Variants in DNAH8 observed in about 807,000 individuals in gnomAD.
The protein encoded by DNAH8 is dynein axonemal heavy chain 8, also known as axonemal beta dynein heavy chain 8.
DNAH8 carries 382 observed loss-of-function variants against 562.1 expected under a neutral mutation model. The observed-to-expected ratio is 0.68, with a 90% CI of 0.63 to 0.74. DNAH8 has a LOEUF of 0.74. DNAH8 is among the 30% of genes least tolerant of loss of function. The pLI is 0.00. For missense variants in DNAH8, 5,203 were observed against 5,620.4 expected (o/e 0.93, Z 2.37); for synonymous variants, 1,881 against 1,919.4 (o/e 0.98, Z 0.52).
intron 26 of DNAH8, among the ~76,000 whole-genome samples, chr6:38,821,160 G>C (rs1307297830): frequency 1.3e-5 from 2 of 152,066 alleles, no homozygotes. Flanking sequence ...AAGACTGCAG[G>C]ATACAGGATT....
In DNAH8 at chr6:38,860,494, G is replaced by T. The variant is rs995046757; in HGVS notation, c.5996G>T (p.Trp1999Leu). The T allele has an allele frequency of 2.0e-6, 3 of 1,488,004 alleles. No homozygotes were observed. The highest frequency in any genetic ancestry group is 2.7e-6 in the Non-Finnish European group (3 of 1,120,706). The allele number at this position is 1,488,004 out of a possible 1,614,324, so 92.2% of individuals were successfully genotyped here. A position where few individuals can be genotyped will look rare whatever the true frequency, so the allele number is the denominator to read the frequency against. The change falls in exon 43 of 93, where the codon TGG becomes TTG. Residue 1999 changes from tryptophan to leucine, a missense_variant. Around this residue, in one of 6 missense-constraint regions of DNAH8, gnomAD observed 2,176 missense variants for 2,365.1 expected, o/e 0.92. Transcript: ENST00000327475. ...ATCAAATCACCTACTGACTTTGAAT[G>T]GCTAAAACAGAGTAGATTTTATTTT... ...MHIKSPTDFEWLKQSRFYFKE... is the reference protein window; with the variant it reads ...MHIKSPTDFELLKQSRFYFKE...
intron 86 of DNAH8, 104 bp downstream of exon 86, chr6:38,982,566 T>C (rs1310143362): frequency 1.5e-6 from 1 of 684,230 alleles, no homozygotes; most frequent in Admixed American, 2.2e-5. Flanking sequence ...CTGAGCCCCA[T>C]GGAGCCCCCT....
At chr6:38,942,712 G>T (rs9357291) in intron 79 of DNAH8, among the ~76,000 whole-genome samples, 1 of 152,054 alleles carries the variant, frequency 6.6e-6, no homozygotes, top group Non-Finnish European at 1.5e-5. Flanking sequence ...GATAGCATTT[G>T]TCGTAGCTCA....
chr6:38,856,247 C>T (rs574377776), intron 41 of DNAH8, among the ~76,000 whole-genome samples: 2 of 152,228 alleles, frequency 1.3e-5, no homozygotes, highest in South Asian at 2.1e-4. Flanking sequence ...TTATAGGCAT[C>T]GAGTAATATT....
At chr6:38,991,136 T>G (rs1445369494) in intron 88 of DNAH8, among the ~76,000 whole-genome samples, 1 of 152,210 alleles carries the variant, frequency 6.6e-6, no homozygotes, top group Non-Finnish European at 1.5e-5. Flanking sequence ...CCAATTTCCT[T>G]GTCTTCCCGC....
intron 26 of DNAH8, among the ~76,000 whole-genome samples, chr6:38,821,113 C>CA (rs957208736): frequency 1.3e-5 from 2 of 152,016 alleles, no homozygotes; most frequent in Non-Finnish European, 2.9e-5. Context: ...CTCACACACA[C>CA]AAAAAAACCC....
chr6:39,027,750 C>T (rs914013816), intron 92 of DNAH8, among the ~76,000 whole-genome samples: 2 of 152,100 alleles, frequency 1.3e-5, no homozygotes, highest in African/African-American at 4.8e-5. Context: ...TGCTTGAATA[C>T]AGGAGGCGGA....
rs1184461189 is a variant in DNAH8 at position 38,769,225 on chromosome 6, A to AT, written c.1618-1181dup. On this transcript the variant is annotated intron_variant, in intron 11 of 92. Coordinates refer to ENST00000327475, the MANE Select transcript of DNAH8 (RefSeq NM_001206927.2). ...ATTCAGAGCCAACTCATTTAAAAAA[A>AT]TTTTTTTATTATACTTTAAGTTCTG... Among the ~76,000 whole-genome samples, 22 of 152,256 alleles carry AT rather than the reference A, an allele frequency of 1.4e-4. 1 individual carries two copies. Among genetic ancestry groups the AT allele is most frequent in the Admixed American group, 1.4e-3 (22 of 15,302 alleles).
chr6:39,009,421 T>C, intron 89 of DNAH8, among the ~76,000 whole-genome samples: 1 of 152,210 alleles, frequency 6.6e-6, no homozygotes, highest in East Asian at 1.9e-4. Context: ...ATCTATTCCA[T>C]TGATTTTTAA....
chr6:38,952,260 G>T (rs1304149184), intron 82 of DNAH8, among the ~76,000 whole-genome samples: 2 of 152,190 alleles, frequency 1.3e-5, no homozygotes. Context: ...AAACACAGAA[G>T]TGTTTATAAG....
chr6:38,811,815 C>G (rs1771821203), intron 24 of DNAH8, among the ~76,000 whole-genome samples: 1 of 152,156 alleles, frequency 6.6e-6, no homozygotes, highest in African/African-American at 2.4e-5. Flanking sequence ...CTCTCCCTAT[C>G]TATGAGTTTC....
chr6:38,789,727 T>C (rs1769519912), intron 18 of DNAH8, 76 bp from the exon 19 acceptor site: 2 of 1,136,246 alleles, frequency 1.8e-6, no homozygotes, highest in Non-Finnish European at 2.6e-6. Flanking sequence ...TTATGAAACC[T>C]TCCTGGAATG....
chr6:38,827,291 A>G (rs1203181320), intron 29 of DNAH8, among the ~76,000 whole-genome samples: 4 of 152,210 alleles, frequency 2.6e-5, no homozygotes, highest in African/African-American at 9.7e-5. Context: ...AGTCCCTTTT[A>G]CCATATAAGG....
intron 21 of DNAH8, among the ~76,000 whole-genome samples, chr6:38,802,199 G>A (rs1770839295): frequency 6.6e-6 from 1 of 152,052 alleles, no homozygotes; most frequent in South Asian, 2.1e-4. Context: ...GCCTCCAAAA[G>A]GGTTAGGATT....
chr6:38,773,053 G>A (rs1376351639), intron 12 of DNAH8, among the ~76,000 whole-genome samples: 1 of 137,668 alleles, frequency 7.3e-6, no homozygotes, highest in Non-Finnish European at 1.5e-5. Context: ...CTGGCCTCAA[G>A]CAGTCCTCCT....
In DNAH8 at chr6:38,723,071, C is replaced by G; in HGVS notation, c.262C>G (p.Leu88Val). Residue 88 changes from leucine to valine, a missense_variant, in exon 2 of 93, where the codon CTT becomes GTT. Coordinates refer to ENST00000327475, the MANE Select transcript of DNAH8 (RefSeq NM_001206927.2). ...EADLNRVRQR[L>V]APRPVQSVIS... ...GGATCTGAATAGAGTTCGACAGAGG[C>G]TTGCACCGCGACCGGTTCAGTCAGT... is the stretch of plus-strand genomic sequence containing the variant. 6.2e-7 allele frequency: 1 copy of G among 1,612,920 alleles called. No homozygotes were observed. The highest frequency in any genetic ancestry group is 8.5e-7 in the Non-Finnish European group (1 of 1,179,906).
chr6:38,834,377 T>C (rs1774102093), intron 31 of DNAH8, among the ~76,000 whole-genome samples: 1 of 152,194 alleles, frequency 6.6e-6, no homozygotes, highest in Non-Finnish European at 1.5e-5. Flanking sequence ...TTGTACACTT[T>C]AAATGAATGA....
At chr6:38,737,541 A>G (rs1048918972) in intron 6 of DNAH8, among the ~76,000 whole-genome samples, 4 of 151,532 alleles carry the variant, frequency 2.6e-5, no homozygotes, top group African/African-American at 9.6e-5. Flanking sequence ...ACTCTTAAAA[A>G]TCTATACTTT....
rs775848246 is a variant in DNAH8, at chr6:38,842,554, T to C, written c.4604+49T>C. The C allele has an allele frequency of 6.3e-6, 10 of 1,587,806 alleles. No individual in the cohort carries two copies. In the South Asian group the frequency reaches 9.3e-5, roughly 15 times the overall value. ...TAATGCCTGTCTTCTTAGGATCCTATAGGTATTTCAGAAGCTAATTTATTC... is the reference window on the plus strand; with the variant it reads ...TAATGCCTGTCTTCTTAGGATCCTACAGGTATTTCAGAAGCTAATTTATTC... On this transcript the variant is annotated intron_variant, in intron 34 of 92. Transcript: ENST00000327475.
Sources: allele counts gnomAD v4.1 joint callset (sites outside exome capture counted in the v4.1 genomes callset), GRCh38; gene constraint gnomAD v4.1.1; regional missense constraint gnomAD v4.1.1; transcripts MANE v1.5; gene names NCBI Gene and HGNC (gene_info 2026-07-23, HGNC 2026-07-21).